ERC2: variants seen among roughly 807,000 people sequenced by gnomAD.
ERC2 encodes the protein ELKS/RAB6-interacting/CAST family member 2, also known as ERC protein 2.
Under a neutral mutation model 114.8 loss-of-function variants are expected in ERC2, and 42 were observed. The ratio of observed to expected loss-of-function variants is 0.37; its 90% CI spans 0.29 to 0.47. The LOEUF (loss-of-function observed/expected upper bound fraction) is 0.47, where lower values mean the gene tolerates loss of function less well. Among genes scored for constraint, ERC2 ranks in the 20% least tolerant of loss-of-function variants. The pLI is 0.99. For missense variants in ERC2, 939 were observed against 1,150.7 expected (o/e 0.82, Z 2.66); for synonymous variants, 454 against 425.5 (o/e 1.07, Z -0.82).
intron 12 of ERC2, among the ~76,000 whole-genome samples, chr3:55,968,933 C>CTACAA (rs1183721525): frequency 6.6e-6 from 1 of 152,022 alleles, no homozygotes; most frequent in South Asian, 2.1e-4. Context: ...ATTCCCCTTG[C>CTACAA]TACATAAAGG....
intron 4 of ERC2, among the ~76,000 whole-genome samples, chr3:56,155,648 C>A (rs1443665426): frequency 2.6e-5 from 4 of 152,026 alleles, no homozygotes; most frequent in Admixed American, 2.6e-4. Context: ...GGTAAGATTG[C>A]CATAGCAGAG....
intron 5 of ERC2, among the ~76,000 whole-genome samples, chr3:56,146,390 A>C (rs960233463): frequency 3.3e-5 from 5 of 152,234 alleles, no homozygotes; most frequent in Admixed American, 6.5e-5. Flanking sequence ...CAATAAGAAC[A>C]TTCTTTCAAT....
intron 14 of ERC2, among the ~76,000 whole-genome samples, chr3:55,857,745 G>GA (rs2061855204): frequency 6.6e-6 from 1 of 152,140 alleles, no homozygotes; most frequent in East Asian, 1.9e-4. Flanking sequence ...GGGTATGGTG[G>GA]AAAAAGAGAT....
chr3:55,965,798 T>C (rs903926003), intron 12 of ERC2, among the ~76,000 whole-genome samples: 3 of 152,190 alleles, frequency 2.0e-5, no homozygotes, highest in Admixed American at 2.0e-4. Flanking sequence ...TTCTCGTAAC[T>C]CAAACCTCTT....
chr3:55,684,617 T>C (rs1279943715), intron 16 of ERC2, among the ~76,000 whole-genome samples: 2 of 152,236 alleles, frequency 1.3e-5, no homozygotes, highest in African/African-American at 4.8e-5. Context: ...TTGTGTTCAA[T>C]TATGGATAAA....
intron 3 of ERC2, among the ~76,000 whole-genome samples, chr3:56,269,662 T>C (rs940190655): frequency 6.6e-6 from 1 of 152,098 alleles, no homozygotes; most frequent in Admixed American, 6.6e-5. Flanking sequence ...TAACCCTATA[T>C]TCCCAAATAC....
intron 17 of ERC2, among the ~76,000 whole-genome samples, chr3:55,523,353 G>T (rs2053090628): frequency 6.6e-6 from 1 of 152,240 alleles, no homozygotes; most frequent in South Asian, 2.1e-4. Context: ...CATGAACAGA[G>T]ATTCCTACTG....
chr3:56,084,302 T>C (rs1356361472), intron 6 of ERC2, among the ~76,000 whole-genome samples: 1 of 152,148 alleles, frequency 6.6e-6, no homozygotes, highest in Non-Finnish European at 1.5e-5. Context: ...GAAAACAACA[T>C]GGAGATTTCT....
chr3:55,733,309 A>T (rs2065376161), intron 15 of ERC2, among the ~76,000 whole-genome samples: 1 of 152,110 alleles, frequency 6.6e-6, no homozygotes, highest in African/African-American at 2.4e-5. Flanking sequence ...AGCGTTAGCA[A>T]GGCATGCCAC....
chr3:55,744,708 C>G (rs1469230003), intron 14 of ERC2, among the ~76,000 whole-genome samples: 1 of 152,230 alleles, frequency 6.6e-6, no homozygotes, highest in Middle Eastern at 3.2e-3. Context: ...CCTGCTCCCA[C>G]CCTGTGGAGT....
At chr3:56,166,601 T>C (rs2082336901) in intron 4 of ERC2, among the ~76,000 whole-genome samples, 1 of 152,130 alleles carries the variant, frequency 6.6e-6, no homozygotes, top group African/African-American at 2.4e-5. Flanking sequence ...TCAGATATTC[T>C]ATTTCTTCTT....
intron 14 of ERC2, among the ~76,000 whole-genome samples, chr3:55,781,527 C>G (rs1352114881): frequency 6.6e-6 from 1 of 151,546 alleles, no homozygotes; most frequent in Non-Finnish European, 1.5e-5. Context: ...TAATTCCTTG[C>G]TCCCTTTTCT....
At chr3:56,078,875 T>A (rs1239073676) in intron 7 of ERC2, among the ~76,000 whole-genome samples, 5 of 149,430 alleles carry the variant, frequency 3.3e-5, no homozygotes, top group African/African-American at 9.7e-5. Flanking sequence ...ATATAAATTT[T>A]AAAAATACAT....
intron 6 of ERC2, among the ~76,000 whole-genome samples, chr3:56,083,893 G>C (rs1329387318): frequency 2.0e-5 from 3 of 151,606 alleles, no homozygotes; most frequent in Admixed American, 1.3e-4. Context: ...AGAGTTAAAA[G>C]GGTTTGTCTT....
intron 17 of ERC2, among the ~76,000 whole-genome samples, chr3:55,533,173 G>C (rs1330072948): frequency 6.6e-6 from 1 of 152,236 alleles, no homozygotes; most frequent in African/African-American, 2.4e-5. Context: ...TCCGTCAGGG[G>C]ACAGAGTGAG....
At chr3:55,689,037 C>T (rs2062488817) in intron 16 of ERC2, among the ~76,000 whole-genome samples, 1 of 152,068 alleles carries the variant, frequency 6.6e-6, no homozygotes, top group Admixed American at 6.5e-5. Context: ...TAGGAGATGT[C>T]CATATTTTAA....
chr3:56,457,316 C>T (rs1015154316), intron 1 of ERC2, among the ~76,000 whole-genome samples: 1 of 152,288 alleles, frequency 6.6e-6, no homozygotes, highest in South Asian at 2.1e-4. Flanking sequence ...TATTTTTCCT[C>T]ACCTGGAAAA....
rs565998600 is a variant in ERC2 at position 55,721,274 on chromosome 3, G to C, written c.2712+13497C>G. 6.6e-5 allele frequency among the ~76,000 whole-genome samples: 10 copies of C among 152,314 alleles called. No homozygotes were observed. In the South Asian group the frequency reaches 1.7e-3, roughly 25 times the overall value. ...GATGGTACTGCCTCTTCAAGTTTTT[G>C]TGGGGACTATAATAAAACAAAGGCA... On this transcript the variant is annotated intron_variant, in intron 15 of 17. Coordinates refer to ENST00000288221, the MANE Select transcript of ERC2 (RefSeq NM_015576.3).
chr3:56,333,644 C>T (rs767913801), intron 2 of ERC2, among the ~76,000 whole-genome samples: 3 of 152,146 alleles, frequency 2.0e-5, no homozygotes, highest in Non-Finnish European at 4.4e-5. Context: ...CCTCTGGCTA[C>T]TAGAATTATT....
Sources: allele counts gnomAD v4.1 joint callset (sites outside exome capture counted in the v4.1 genomes callset), GRCh38; gene constraint gnomAD v4.1.1; transcripts MANE v1.5; gene names NCBI Gene and HGNC (gene_info 2026-07-23, HGNC 2026-07-21).